MROH2B: variants seen among roughly 807,000 people sequenced by gnomAD.
MROH2B encodes the protein maestro heat like repeat family member 2B.
A neutral mutation model predicts 208.6 loss-of-function variants in MROH2B; 177 were observed. The observed-to-expected ratio is 0.85, with a 90% CI of 0.75 to 0.96. MROH2B has a LOEUF of 0.96. Among genes scored for constraint, MROH2B ranks in the 40% least tolerant of loss-of-function variants. MROH2B has a pLI of 0.00. For missense variants in MROH2B, 2,002 were observed against 1,878.7 expected, an observed-to-expected ratio of 1.07 and a Z score of -1.21; for synonymous variants, 728 against 659.0, an observed-to-expected ratio of 1.10 and a Z score of -1.60.
intron 34 of MROH2B, among the ~76,000 whole-genome samples, chr5:41,006,279 A>T (rs1459418331): frequency 6.6e-6 from 1 of 152,144 alleles, no homozygotes; most frequent in African/African-American, 2.4e-5. Context: ...TCAAAACCAC[A>T]GTGCGATACC....
chr5:41,036,096 G>A (rs1408607871), intron 21 of MROH2B, among the ~76,000 whole-genome samples: 1 of 151,218 alleles, frequency 6.6e-6, no homozygotes. Flanking sequence ...TGGAGGACTG[G>A]ATAAACAATG....
intron 3 of MROH2B, 55 bp downstream of exon 3, chr5:41,067,053 A>C: frequency 1.1e-6 from 1 of 946,738 alleles, no homozygotes; most frequent in Non-Finnish European, 1.7e-6. Context: ...TGATGTCCAC[A>C]TGGGTGCAGT....
chr5:41,034,856 A>G (rs1383794097), intron 21 of MROH2B, among the ~76,000 whole-genome samples: 1 of 152,102 alleles, frequency 6.6e-6, no homozygotes, highest in Non-Finnish European at 1.5e-5. Context: ...TACAATAGCC[A>G]CAAAGAAAAT....
intron 29 of MROH2B, 49 bp downstream of exon 29, chr5:41,015,332 G>A (rs544967825): frequency 7.2e-6 from 11 of 1,525,686 alleles, no homozygotes; most frequent in Middle Eastern, 1.7e-4. Context: ...TACTCATTTG[G>A]AAATCAATCC....
intron 37 of MROH2B, 34 bp downstream of exon 37, chr5:41,004,312 C>T: frequency 6.2e-7 from 1 of 1,601,784 alleles, no homozygotes; most frequent in East Asian, 2.2e-5. Flanking sequence ...TCACTCACTT[C>T]TGGGGAGGGA....
At chr5:41,040,719 T>G (rs904063026) in intron 19 of MROH2B, among the ~76,000 whole-genome samples, 1 of 152,142 alleles carries the variant, frequency 6.6e-6, no homozygotes, top group African/African-American at 2.4e-5. Context: ...CAGGCTGGAG[T>G]GCAATGGTGC....
intron 37 of MROH2B, among the ~76,000 whole-genome samples, chr5:41,001,327 T>G (rs1726082412): frequency 1.3e-5 from 2 of 152,080 alleles, no homozygotes; most frequent in African/African-American, 4.8e-5. Context: ...CTCAGAGAGG[T>G]TAAACACAGA....
chr5:40,998,087 G>A lies in MROH2B; in HGVS notation c.4723C>T (p.Leu1575=). 1.9e-6 allele frequency: 3 copies of A among 1,612,346 alleles called. No homozygotes were observed. The highest frequency in any genetic ancestry group is 2.5e-6 in the Non-Finnish European group (3 of 1,178,586). Residue 1575 remains leucine (L), a synonymous_variant, in exon 42 of 42, where the codon CTG becomes TTG. Transcript: ENST00000399564. ...RAAEAALQTL[L]RRCKETSIPL is the part of the protein sequence containing the mutation. The stretch of plus-strand genomic sequence containing the variant: ...ATGCTTGTCTCTTTACACCTTCTCA[G>A]GAGGGTTTGCAAAGCAGCCTCAGCT...
rs1002724858 is a variant in MROH2B at position 41,003,836 on chromosome 5, A to G, written c.4194+510T>C. On this transcript the variant is annotated intron_variant, in intron 37 of 41. Coordinates refer to ENST00000399564, the MANE Select transcript of MROH2B (RefSeq NM_173489.5). ...GGCAATGAATAACCAAAAAATAAAT[A>G]CTAAAATGTGCTTCCTGGAAGGCAT... Among the ~76,000 whole-genome samples the G allele has an allele frequency of 3.3e-5, 5 of 152,314 alleles. No individual in the cohort carries two copies. The East Asian group carries it at 7.7e-4, about 24-fold the overall frequency.
At chr5:41,037,436 A>C (rs1259416311) in intron 21 of MROH2B, among the ~76,000 whole-genome samples, 1 of 152,190 alleles carries the variant, frequency 6.6e-6, no homozygotes, top group East Asian at 1.9e-4. Context: ...TCAGTGATTC[A>C]ACTCTGAAGG....
At chr5:41,028,996 T>A (rs545625936) in intron 24 of MROH2B, among the ~76,000 whole-genome samples, 1 of 152,256 alleles carries the variant, frequency 6.6e-6, no homozygotes, top group East Asian at 1.9e-4. Context: ...ACACAGAAGA[T>A]AAATTGCTGG....
chr5:41,009,215 G>A, intron 32 of MROH2B, 65 bp downstream of exon 32: 1 of 1,594,404 alleles, frequency 6.3e-7, no homozygotes, highest in South Asian at 1.1e-5. Context: ...CAAGCTCCAG[G>A]TGGGGATAGA....
chr5:41,063,681 G>A (rs1257697517), intron 5 of MROH2B, among the ~76,000 whole-genome samples: 3 of 152,182 alleles, frequency 2.0e-5, no homozygotes, highest in Admixed American at 2.0e-4. Flanking sequence ...TGTTGGAAGT[G>A]GAAGGGAACG....
intron 30 of MROH2B, among the ~76,000 whole-genome samples, chr5:41,011,307 A>T (rs1312036926): frequency 1.3e-5 from 2 of 152,184 alleles, no homozygotes; most frequent in Non-Finnish European, 2.9e-5. Context: ...CCCATTTATG[A>T]TTACCACAGA....
At chr5:41,046,415 C>T (rs1439154365) in intron 17 of MROH2B, among the ~76,000 whole-genome samples, 1 of 151,756 alleles carries the variant, frequency 6.6e-6, no homozygotes, top group Non-Finnish European at 1.5e-5. Context: ...CCATGTCCTT[C>T]TTCTTTGAAC....
At chr5:41,039,320 AC>A in intron 20 of MROH2B, 127 bp downstream of exon 20, 1 of 607,050 alleles carries the variant, frequency 1.6e-6, no homozygotes. Context: ...CTGGGCTTGG[AC>A]AGTTCTGACC....
intron 19 of MROH2B, 39 bp downstream of exon 19, chr5:41,042,053 T>C: frequency 8.5e-7 from 1 of 1,174,064 alleles, no homozygotes; most frequent in South Asian, 1.3e-5. Flanking sequence ...AGTTGTGTTG[T>C]TATCATCATA....
At chr5:41,009,195 G>A in intron 32 of MROH2B, 85 bp downstream of exon 32, 1 of 1,536,678 alleles carries the variant, frequency 6.5e-7, no homozygotes, top group Non-Finnish European at 8.9e-7. Context: ...TGTCATTAAT[G>A]TGACAGCACC....
At chr5:41,001,004 C>T (rs1741382303) in intron 37 of MROH2B, among the ~76,000 whole-genome samples, 171 bp from the exon 38 acceptor site, 1 of 152,032 alleles carries the variant, frequency 6.6e-6, no homozygotes, top group Admixed American at 6.5e-5. Flanking sequence ...GCTTTCTTTC[C>T]CTGAAGCTTT....
Sources: gnomAD v4.1 joint callset for allele counts (sites outside exome capture counted in the v4.1 genomes callset) on GRCh38, gnomAD v4.1.1 for gene constraint, MANE v1.5 for transcripts, NCBI Gene and HGNC (gene_info 2026-07-23, HGNC 2026-07-21) for gene names.